PSMD3: variants seen among roughly 807,000 people sequenced by gnomAD.
PSMD3 encodes the protein 26S proteasome non-ATPase regulatory subunit 3.
In PSMD3, 5 loss-of-function variants were observed where a neutral mutation model predicts 62.8. The observed-to-expected ratio is 0.08, with a 90% CI of 0.04 to 0.17. The LOEUF is 0.17. Ranked by LOEUF, PSMD3 falls within the 10% of genes least tolerant of loss-of-function variation. The probability of loss-of-function intolerance (pLI) is 1.00; values close to 1 mark genes in which losing one functional copy is unlikely to be tolerated. For missense variants in PSMD3, 524 were observed against 713.6 expected (o/e 0.73, Z 3.03); for synonymous variants, 265 against 283.9 (o/e 0.93, Z 0.67).
At chr17:39,983,314 G>C (rs1474185084) in intron 1 of PSMD3, among the ~76,000 whole-genome samples, 4 of 152,192 alleles carry the variant, frequency 2.6e-5, no homozygotes, top group African/African-American at 9.7e-5. Flanking sequence ...TTACAGGCGT[G>C]AGCCACTGTG....
intron 2 of PSMD3, among the ~76,000 whole-genome samples, chr17:39,985,763 T>C (rs1383766518): frequency 6.6e-6 from 1 of 152,188 alleles, no homozygotes; most frequent in African/African-American, 2.4e-5. Flanking sequence ...ATTTTGGGGG[T>C]GACTGTAACA....
intron 4 of PSMD3, 131 bp downstream of exon 4, chr17:39,988,950 C>A: frequency 8.0e-7 from 1 of 1,249,272 alleles, no homozygotes; most frequent in Non-Finnish European, 1.1e-6. Flanking sequence ...CAGTGGTTCC[C>A]ATGCCCTGCG....
Position 39,997,715 on chromosome 17 carries a change from G to A in PSMD3, c.*134G>A. 2 of 1,067,282 alleles carry A rather than the reference G, an allele frequency of 1.9e-6. No homozygotes were observed. Among genetic ancestry groups the A allele is most frequent in the South Asian group, 1.5e-5 (1 of 68,136 alleles). The allele number at this position is 1,067,282 out of a possible 1,614,324, so 66.1% of individuals were successfully genotyped here. ...CATTCGTGCAGGGGGTGGGGGTGCTGGGAGCCAGCCACCCTGACCTCCCCC... is the reference window on the plus strand; with the variant it reads ...CATTCGTGCAGGGGGTGGGGGTGCTAGGAGCCAGCCACCCTGACCTCCCCC... On this transcript the variant is annotated 3_prime_UTR_variant, in exon 12 of 12. Coordinates refer to ENST00000264639, the MANE Select transcript of PSMD3 (RefSeq NM_002809.4).
At chr17:39,987,230 C>T (rs1980546944) in intron 3 of PSMD3, among the ~76,000 whole-genome samples, 1 of 152,208 alleles carries the variant, frequency 6.6e-6, no homozygotes, top group Admixed American at 6.5e-5. Flanking sequence ...TACCACTCCC[C>T]CAGCTAGGGC....
intron 1 of PSMD3, among the ~76,000 whole-genome samples, chr17:39,981,608 CCT>C (rs1350738806): frequency 6.6e-6 from 1 of 152,196 alleles, no homozygotes; most frequent in African/African-American, 2.4e-5. Context: ...AATATTGACT[CCT>C]GAGTTTTAAA....
At chr17:39,981,908 T>C (rs991605975) in intron 1 of PSMD3, among the ~76,000 whole-genome samples, 1 of 152,226 alleles carries the variant, frequency 6.6e-6, no homozygotes, top group African/African-American at 2.4e-5. Context: ...GGTTCCTGTT[T>C]CGAGTGTCTG....
In PSMD3 at chr17:39,996,457, A is replaced by C; in HGVS notation, c.1476+119A>C. The C allele has an allele frequency of 1.5e-6, 2 of 1,354,462 alleles. No homozygotes were observed. Among genetic ancestry groups the C allele is most frequent in the Non-Finnish European group, 2.0e-6 (2 of 983,056 alleles). 83.9% of individuals were successfully genotyped at this position (1,354,462 alleles called of 1,614,324 possible). On this transcript the variant is annotated intron_variant, in intron 10 of 11. Coordinates refer to ENST00000264639, the MANE Select transcript of PSMD3 (RefSeq NM_002809.4). This position sits in a 1 kb window ranked among gnomAD's most constrained non-coding sequence, Gnocchi z 5.1. ...GGCCCACGTCCCAGCCAATCTCTGT[A>C]AAATCACTGAGCTGCAGCACAGGGG...
intron 3 of PSMD3, among the ~76,000 whole-genome samples, chr17:39,988,193 C>T (rs1980571466): frequency 6.6e-6 from 1 of 152,158 alleles, no homozygotes; most frequent in Non-Finnish European, 1.5e-5. Context: ...ACATTTTCAT[C>T]ACCCCACAAA....
intron 6 of PSMD3, among the ~76,000 whole-genome samples, chr17:39,991,305 C>T (rs1209548163): frequency 1.3e-5 from 2 of 152,112 alleles, no homozygotes; most frequent in Non-Finnish European, 1.5e-5. Context: ...CAGGCGCCTG[C>T]CACCACGCCC....
intron 1 of PSMD3, among the ~76,000 whole-genome samples, chr17:39,983,393 A>G (rs1466449689): frequency 3.9e-5 from 6 of 152,304 alleles, no homozygotes; most frequent in East Asian, 1.9e-4. Context: ...CAATTACTCA[A>G]ATACTAATGG....
intron 5 of PSMD3, 72 bp from the exon 6 acceptor site, chr17:39,990,022 G>C: frequency 6.3e-7 from 1 of 1,590,572 alleles, no homozygotes; most frequent in Non-Finnish European, 8.6e-7. Flanking sequence ...GGCCCATTTG[G>C]CACCCTGGCT....
intron 6 of PSMD3, chr17:39,994,649 CT>C: frequency 2.6e-6 from 1 of 382,506 alleles, no homozygotes; most frequent in South Asian, 2.7e-5. Flanking sequence ...ACCCGCCCTT[CT>C]GGCCTCACTT....
intron 4 of PSMD3, 91 bp from the exon 5 acceptor site, chr17:39,989,648 T>C: frequency 7.8e-7 from 1 of 1,283,538 alleles, no homozygotes; most frequent in Non-Finnish European, 1.1e-6. Context: ...TTTGTATAAC[T>C]TTTTTAAGGA....
chr17:39,990,324 A>T, intron 6 of PSMD3, 127 bp downstream of exon 6: 1 of 782,382 alleles, frequency 1.3e-6, no homozygotes. Flanking sequence ...CAGCTTCCCA[A>T]AGTGCTGGGA....
chr17:39,988,740 C>G lies in PSMD3; in HGVS notation c.607C>G (p.Leu203Val), dbSNP rs753872383. Residue 203 changes from leucine to valine, a missense_variant, in exon 4 of 12, where the codon CTA (leucine) becomes GTA (valine). By Grantham distance (32) the Leu-to-Val change is conservative. This residue lies in a region of PSMD3 where 396 missense variants were observed against 475.8 expected (regional missense o/e 0.83). Coordinates refer to ENST00000264639, the MANE Select transcript of PSMD3 (RefSeq NM_002809.4). Reference protein sequence around the residue: ...QKISTQNRRALDLVAAKCYYY... With the variant: ...QKISTQNRRAVDLVAAKCYYY... ...GATCAGTACTCAGAACCGCCGGGCC[C>G]TAGACCTTGTAGCCGCAAAGTGTTA... is the stretch of plus-strand genomic sequence containing the variant. 1 of 1,614,190 alleles carries G rather than the reference C, an allele frequency of 6.2e-7. No homozygotes were observed. Among genetic ancestry groups the G allele is most frequent in the South Asian group, 1.1e-5 (1 of 91,090 alleles).
rs768864221 is a variant in PSMD3, at chr17:39,997,311, T to C, written c.1477-19T>C. ...CTGCTTCCTTCCCTCGCTCATCTCC[T>C]CTCTTTGCTGTGCCCCAGGCCATGA... On this transcript the variant is annotated intron_variant, in intron 10 of 11. Transcript: ENST00000264639. The C allele has an allele frequency of 6.2e-7, 1 of 1,613,700 alleles. No homozygotes were observed. Among genetic ancestry groups the C allele is most frequent in the Admixed American group, 1.7e-5 (1 of 60,008 alleles).
chr17:39,992,785 T>TGTCTCCCCTGGCTCCC (rs1196408136), intron 6 of PSMD3, among the ~76,000 whole-genome samples: 2 of 152,162 alleles, frequency 1.3e-5, no homozygotes, highest in South Asian at 4.1e-4. Flanking sequence ...CGGCCGTTCC[T>TGTCTCCCCTGGCTCCC]GTCTCCCCTG....
Position 39,984,481 on chromosome 17 carries a change from A to G in PSMD3, c.408A>G (p.Glu136=). 6.2e-7 allele frequency: 1 copy of G among 1,610,956 alleles called. No individual in the cohort carries two copies. Among genetic ancestry groups the G allele is most frequent in the Non-Finnish European group, 8.5e-7 (1 of 1,178,100 alleles). The change falls in exon 2 of 12, where the codon GAA becomes GAG. Residue 136 remains glutamate, a synonymous_variant. Coordinates refer to ENST00000264639, the MANE Select transcript of PSMD3 (RefSeq NM_002809.4). Reference sequence around the variant, plus strand: ...GAGACTTTTTGCTCCCCTTCCTGGAAGAGGTGAGTGAGTCAGGCCAACTTA... The same window carrying G: ...GAGACTTTTTGCTCCCCTTCCTGGAGGAGGTGAGTGAGTCAGGCCAACTTA... ...ATRDFLLPFL[E]EPMDTEADLQ...
intron 3 of PSMD3, among the ~76,000 whole-genome samples, chr17:39,987,988 A>C (rs12453249): frequency 0.56 from 85,265 of 151,964 alleles, 24,181 homozygotes; most frequent in Middle Eastern, 0.74. Context: ...GTGCCTGTAG[A>C]CCCAGCTACT....
Sources: gnomAD v4.1 joint callset for allele counts (sites outside exome capture counted in the v4.1 genomes callset) on GRCh38, gnomAD v4.1.1 for gene constraint, gnomAD v4.1.1 regional missense constraint, Gnocchi (gnomAD v3.1) non-coding constraint, MANE v1.5 for transcripts, NCBI Gene and HGNC (gene_info 2026-07-23, HGNC 2026-07-21) for gene names.